Variants in STARD13 observed in about 807,000 individuals in gnomAD.
The protein encoded by STARD13 is stAR-related lipid transfer protein 13.
A neutral mutation model predicts 106.4 loss-of-function variants in STARD13; 62 were observed. The observed-to-expected ratio is 0.58, with a 90% CI of 0.48 to 0.72. The LOEUF (loss-of-function observed/expected upper bound fraction) is 0.72, where lower values mean the gene tolerates loss of function less well. STARD13 is among the 30% of genes least tolerant of loss of function. STARD13 has a pLI of 0.00. For synonymous variants in STARD13, 565 were observed against 553.0 expected (o/e 1.02, Z -0.31); for missense variants, 1,387 against 1,424.0 (o/e 0.97, Z 0.42).
chr13:33,440,066 G>A, the STARD13 span, among the ~76,000 whole-genome samples: 3 of 152,064 alleles, frequency 2.0e-5, no homozygotes, highest in Non-Finnish European at 4.4e-5. Flanking sequence ...GGCTTGAGCC[G>A]AGGAGTTCGA....
intron 1 of STARD13, among the ~76,000 whole-genome samples, chr13:33,237,624 C>CTG (rs1454844758): frequency 6.6e-6 from 1 of 152,190 alleles, no homozygotes; most frequent in Non-Finnish European, 1.5e-5. Context: ...TCATACCACT[C>CTG]ATCAGTGTGA....
At chr13:33,112,955 C>A in intron 8 of STARD13, 24 bp from the exon 9 acceptor site, 2 of 1,573,358 alleles carry the variant, frequency 1.3e-6, no homozygotes, top group South Asian at 2.3e-5. Flanking sequence ...GATGCCAGGT[C>A]ATTGGAGGAG....
the STARD13 span, among the ~76,000 whole-genome samples, chr13:33,514,747 A>C: frequency 1.3e-5 from 2 of 152,144 alleles, no homozygotes; most frequent in African/African-American, 4.8e-5. Context: ...CAATATGGAC[A>C]GTGACAGATG....
At chr13:33,655,580 T>C in the STARD13 span, among the ~76,000 whole-genome samples, 2 of 152,220 alleles carry the variant, frequency 1.3e-5, no homozygotes, top group South Asian at 2.1e-4. Context: ...TATATTTTTA[T>C]TGGACCGGAG....
chr13:33,610,554 CTT>C, the STARD13 span, among the ~76,000 whole-genome samples: 2 of 152,224 alleles, frequency 1.3e-5, no homozygotes, highest in Admixed American at 6.5e-5. Context: ...CCTCAGGAGA[CTT>C]AGCCTAGCCT....
At chr13:33,428,707 A>T in the STARD13 span, among the ~76,000 whole-genome samples, 2 of 152,230 alleles carry the variant, frequency 1.3e-5, no homozygotes, top group Non-Finnish European at 2.9e-5. Flanking sequence ...ACAATTAACA[A>T]AGTGAAGAGC....
At chr13:33,523,389 T>A in the STARD13 span, among the ~76,000 whole-genome samples, 2 of 152,168 alleles carry the variant, frequency 1.3e-5, no homozygotes, top group South Asian at 4.1e-4. Flanking sequence ...GTTTCTCTTG[T>A]TTACTGTCAG....
At position 33,106,903 on chromosome 13, in the gene STARD13, A is replaced by C; in HGVS notation, c.3079T>G (p.Cys1027Gly). The change falls in exon 13 of 14, where the codon TGT becomes GGT. Residue 1027 changes from cysteine (C) to glycine (G), a missense_variant. By Grantham distance (159) the Cys-to-Gly change is radical. Coordinates refer to ENST00000336934, the MANE Select transcript of STARD13 (RefSeq NM_178006.4). The stretch of plus-strand genomic sequence containing the variant: ...TCCACGGAGAGGGACACCAGGGTAC[A>C]CATTCCTTTGGGCAAATCAGTTTTC... The part of the protein sequence containing the change: ...TWKTDLPKGM[C>G]TLVSLSVEHE... The C allele has an allele frequency of 6.2e-7, 1 of 1,614,016 alleles. No individual in the cohort carries two copies. Among genetic ancestry groups the C allele is most frequent in the East Asian group, 2.2e-5 (1 of 44,888 alleles).
At chr13:33,217,436 T>C (rs1888108249) in intron 1 of STARD13, among the ~76,000 whole-genome samples, 1 of 152,196 alleles carries the variant, frequency 6.6e-6, no homozygotes, top group South Asian at 2.1e-4. Context: ...AATATGTCTC[T>C]TGTCAGACTG....
At chr13:33,348,008 G>T (rs79626215), downstream of STARD13, among the ~76,000 whole-genome samples, 858 of 152,292 alleles carry the variant, frequency 5.6e-3, 56 homozygotes, top group East Asian at 0.12. Context: ...GCGCCTTCAC[G>T]GAGTTGGCCT....
chr13:33,656,765 C>G, the STARD13 span: 1 of 152,210 alleles, frequency 6.6e-6, no homozygotes, highest in Non-Finnish European at 1.5e-5. Context: ...AGAGAATACT[C>G]AGATCCTTAA....
intron 4 of STARD13, 39 bp downstream of exon 4, chr13:33,142,271 C>G: frequency 6.5e-7 from 1 of 1,531,392 alleles, no homozygotes; most frequent in Non-Finnish European, 9.0e-7. Context: ...CTGGCATTCA[C>G]TGGCATAGCC....
At chr13:33,579,656 T>C in the STARD13 span, among the ~76,000 whole-genome samples, 1 of 149,138 alleles carries the variant, frequency 6.7e-6, no homozygotes, top group Admixed American at 6.7e-5. Context: ...ATAATTTATA[T>C]ATTATATATA....
At chr13:33,485,223 T>C in the STARD13 span, among the ~76,000 whole-genome samples, 1 of 152,214 alleles carries the variant, frequency 6.6e-6, no homozygotes, top group Non-Finnish European at 1.5e-5. Flanking sequence ...CAGCTAATAG[T>C]TTTATTACTG....
the STARD13 span, among the ~76,000 whole-genome samples, chr13:33,467,511 G>T: frequency 6.6e-6 from 1 of 152,152 alleles, no homozygotes; most frequent in African/African-American, 2.4e-5. Context: ...ACTGGTATTT[G>T]TCCATGGTCC....
At chr13:33,656,572 C>A in the STARD13 span, among the ~76,000 whole-genome samples, 1 of 152,178 alleles carries the variant, frequency 6.6e-6, no homozygotes, top group Admixed American at 6.5e-5. Context: ...TTAATGGCAG[C>A]TTTAGTAGGG....
In STARD13 at chr13:33,194,881, G is replaced by A. The variant is rs191038256; in HGVS notation, c.170-27259C>T. On this transcript the variant is annotated intron_variant, in intron 1 of 13. Transcript: ENST00000336934. Reference sequence around the variant, plus strand: ...ACTTTGATTTATTTACATTTTCCTGGGCCTGCAGCCCCCTCTTGTATAAAC... The same window carrying A: ...ACTTTGATTTATTTACATTTTCCTGAGCCTGCAGCCCCCTCTTGTATAAAC... Among the ~76,000 whole-genome samples the A allele has an allele frequency of 1.6e-3, 237 of 152,206 alleles. 1 individual carries two copies. Among genetic ancestry groups the A allele is most frequent in the Middle Eastern group, 6.8e-3 (2 of 294 alleles).
At chr13:33,110,326 T>C (rs1403431888) in intron 11 of STARD13, among the ~76,000 whole-genome samples, 1 of 152,246 alleles carries the variant, frequency 6.6e-6, no homozygotes, top group Non-Finnish European at 1.5e-5. Context: ...GGTTACTGTG[T>C]GCCAGGAACT....
At chr13:33,528,257 C>CACATATATATATATATATATGTATAT in the STARD13 span, among the ~76,000 whole-genome samples, 1 of 92,930 alleles carries the variant, frequency 1.1e-5, no homozygotes, top group African/African-American at 6.5e-5. Flanking sequence ...TATATATATA[C>CACATATATATATATATATATGTATAT]ATATATATAT....
Sources: allele counts gnomAD v4.1 joint callset (sites outside exome capture counted in the v4.1 genomes callset), GRCh38; gene constraint gnomAD v4.1.1; transcripts MANE v1.5; gene names NCBI Gene and HGNC (gene_info 2026-07-23, HGNC 2026-07-21).